The following CENPP variants were observed in gnomAD, a reference collection of about 807,000 sequenced individuals.
CENPP encodes centromere protein P.
CENPP carries 24 observed loss-of-function variants against 35.6 expected under a neutral mutation model. That is an observed-to-expected ratio of 0.67 (90% confidence interval 0.49 to 0.95). The LOEUF (loss-of-function observed/expected upper bound fraction) is 0.95. CENPP is among the 40% of genes least tolerant of loss of function. The probability of loss-of-function intolerance (pLI) is 0.00; values close to 1 mark genes in which losing one functional copy is unlikely to be tolerated. For synonymous variants in CENPP, 120 were observed against 125.5 expected (o/e 0.96, Z 0.29); for missense variants, 332 against 345.3 (o/e 0.96, Z 0.31).
intron 5 of CENPP, among the ~76,000 whole-genome samples, chr9:92,398,798 T>C (rs1338948281): frequency 2.0e-5 from 3 of 152,056 alleles, no homozygotes; most frequent in Non-Finnish European, 4.4e-5. Context: ...TGGCCGGGAG[T>C]GGTGGCTCAC....
rs1441287112 is a variant in CENPP at position 92,617,211 on chromosome 9, C to G, written c.*4062C>G. 6.6e-6 allele frequency: 1 copy of G among 152,194 alleles called. No homozygotes were observed. The highest frequency in any genetic ancestry group is 2.4e-5 in the African/African-American group (1 of 41,426). 9.4% of individuals were successfully genotyped at this position (152,194 alleles called of 1,614,324 possible). A position where few individuals can be genotyped will look rare whatever the true frequency, so the allele number is the denominator to read the frequency against. On this transcript the variant is annotated 3_prime_UTR_variant, in exon 8 of 8. Coordinates refer to ENST00000375587, the MANE Select transcript of CENPP (RefSeq NM_001012267.3). ...AAGGGGCCACATTTTATTGGGAGAA[C>G]CTCAGAAGCCCAAGGTACTGCTCAG...
At chr9:92,330,845 C>T (rs1840723595) in intron 1 of CENPP, among the ~76,000 whole-genome samples, 1 of 152,086 alleles carries the variant, frequency 6.6e-6, no homozygotes, top group East Asian at 1.9e-4. Flanking sequence ...CCCGCCACCA[C>T]TCGAGGCTAA....
rs1295550892 is a variant in CENPP, at chr9:92,611,307, C to T, written c.565-7C>T. Reference sequence around the variant, plus strand: ...GATCTGTCTACCCGTTTCTTCTCCCCATGCAGGAAAAGTACCCAGATGCCG... The same window carrying T: ...GATCTGTCTACCCGTTTCTTCTCCCTATGCAGGAAAAGTACCCAGATGCCG... On this transcript the variant is annotated splice_polypyrimidine_tract_variant and splice_region_variant and intron_variant, in intron 5 of 7. Transcript: ENST00000375587. 6.2e-7 allele frequency: 1 copy of T among 1,612,394 alleles called. No homozygotes were observed. The highest frequency in any genetic ancestry group is 1.3e-5 in the African/African-American group (1 of 74,870).
chr9:92,602,712 G>A (rs183593828), intron 5 of CENPP, among the ~76,000 whole-genome samples: 173 of 152,354 alleles, frequency 1.1e-3, no homozygotes, highest in Admixed American at 4.1e-3. Context: ...GTCCAGGGGC[G>A]AGGGGTACCA....
chr9:92,354,935 G>T (rs1446890960), intron 4 of CENPP, among the ~76,000 whole-genome samples: 1 of 152,266 alleles, frequency 6.6e-6, no homozygotes, highest in South Asian at 2.1e-4. Flanking sequence ...TTTCAAAAGG[G>T]GAGGGGGTAT....
intron 5 of CENPP, among the ~76,000 whole-genome samples, chr9:92,479,764 A>G (rs1424418970): frequency 6.6e-6 from 1 of 152,202 alleles, no homozygotes; most frequent in African/African-American, 2.4e-5. Context: ...CAAAGAAAAA[A>G]GTCAGGCCAA....
chr9:92,417,249 C>T (rs746916104), intron 5 of CENPP: 13 of 1,613,928 alleles, frequency 8.1e-6, no homozygotes, highest in Non-Finnish European at 1.1e-5. Flanking sequence ...GTCACAGCCT[C>T]AATTTCATTG....
At chr9:92,409,713 T>C (rs189820476) in intron 5 of CENPP, among the ~76,000 whole-genome samples, 56 of 152,350 alleles carry the variant, frequency 3.7e-4, no homozygotes, top group Non-Finnish European at 2.9e-4. Context: ...AGTTACAGTT[T>C]AACCTATTAG....
intron 5 of CENPP, among the ~76,000 whole-genome samples, chr9:92,579,281 A>G (rs1252296036): frequency 6.7e-6 from 1 of 149,804 alleles, no homozygotes; most frequent in Non-Finnish European, 1.5e-5. Context: ...CTTGGCGATG[A>G]GGGCTCTTTT....
chr9:92,378,151 T>C (rs376133676), intron 4 of CENPP, among the ~76,000 whole-genome samples: 4 of 152,266 alleles, frequency 2.6e-5, no homozygotes, highest in South Asian at 2.1e-4. Flanking sequence ...CAGTACCCGA[T>C]TGGGAGGTGA....
intron 5 of CENPP, among the ~76,000 whole-genome samples, chr9:92,450,545 A>G (rs1382322066): frequency 2.6e-5 from 4 of 152,072 alleles, no homozygotes; most frequent in Non-Finnish European, 4.4e-5. Flanking sequence ...GAATAGTGCC[A>G]CAATAAACAT....
chr9:92,464,120 G>A (rs1445522831), intron 5 of CENPP, among the ~76,000 whole-genome samples: 1 of 152,194 alleles, frequency 6.6e-6, no homozygotes, highest in Non-Finnish European at 1.5e-5. Flanking sequence ...GGCCCAGTTA[G>A]TCATCAAAGC....
intron 5 of CENPP, among the ~76,000 whole-genome samples, chr9:92,398,656 G>T (rs1277617847): frequency 6.6e-6 from 1 of 151,626 alleles, no homozygotes; most frequent in Non-Finnish European, 1.5e-5. Context: ...ATTTACCATT[G>T]TTTATTCAAC....
intron 5 of CENPP, chr9:92,456,354 G>C (rs1844878205): frequency 6.6e-6 from 1 of 152,232 alleles, no homozygotes; most frequent in South Asian, 2.1e-4. Context: ...TGCTTATTCA[G>C]TTATACTAGA....
At position 92,573,767 on chromosome 9, in the gene CENPP, G is replaced by T. The variant is rs1850210256; in HGVS notation, c.565-37547G>T. Among the ~76,000 whole-genome samples, 7 of 152,224 alleles carry T rather than the reference G, an allele frequency of 4.6e-5. No homozygotes were observed. In the South Asian group the frequency reaches 1.4e-3, roughly 32 times the overall value. ...TCCACCCAGTTCGAGCTTCCCGGCTGCTTTGTTTACCTACTCAAGCCTCAG... is the reference window on the plus strand; with the variant it reads ...TCCACCCAGTTCGAGCTTCCCGGCTTCTTTGTTTACCTACTCAAGCCTCAG... On this transcript the variant is annotated intron_variant, in intron 5 of 7. Coordinates refer to ENST00000375587, the MANE Select transcript of CENPP (RefSeq NM_001012267.3).
At chr9:92,432,951 A>C (rs1174244547) in intron 5 of CENPP, among the ~76,000 whole-genome samples, 2 of 152,186 alleles carry the variant, frequency 1.3e-5, no homozygotes, top group Non-Finnish European at 2.9e-5. Flanking sequence ...AAGATACAAA[A>C]AAAATTTTGG....
intron 5 of CENPP, among the ~76,000 whole-genome samples, chr9:92,579,819 C>A (rs1372144499): frequency 7.5e-6 from 1 of 133,694 alleles, no homozygotes; most frequent in Non-Finnish European, 1.5e-5. Flanking sequence ...ATTGCCCTGG[C>A]CAGAACTTCC....
intron 5 of CENPP, among the ~76,000 whole-genome samples, chr9:92,391,007 G>A (rs1333425314): frequency 6.6e-6 from 1 of 152,106 alleles, no homozygotes; most frequent in African/African-American, 2.4e-5. Context: ...GCTTATGCCT[G>A]TAATCCTAGC....
intron 5 of CENPP, among the ~76,000 whole-genome samples, chr9:92,417,736 T>C (rs1327302080): frequency 6.6e-6 from 1 of 152,128 alleles, no homozygotes. Flanking sequence ...TTTTCTTTTT[T>C]TGTGACAGTG....
Sources: gnomAD v4.1 joint callset for allele counts (sites outside exome capture counted in the v4.1 genomes callset) on GRCh38, gnomAD v4.1.1 for gene constraint, MANE v1.5 for transcripts, NCBI Gene and HGNC (gene_info 2026-07-23, HGNC 2026-07-21) for gene names.